Variants in RAB31 observed in about 807,000 individuals in gnomAD.
RAB31 encodes RAB31, member RAS oncogene family.
In RAB31, 21 loss-of-function variants were observed where a neutral mutation model predicts 25.6. The observed-to-expected ratio is 0.82, with a 90% confidence interval of 0.58 to 1.18. RAB31 has a LOEUF of 1.18. Among genes scored for constraint, RAB31 ranks in the 50% most tolerant of loss-of-function variants. RAB31 has a pLI of 0.00. For missense variants in RAB31, 196 were observed against 250.1 expected (o/e 0.78, Z 1.46); for synonymous variants, 87 against 84.0 (o/e 1.04, Z -0.20).
intron 1 of RAB31, among the ~76,000 whole-genome samples, chr18:9,742,176 C>T (rs1223772211): frequency 6.6e-6 from 1 of 152,190 alleles, no homozygotes; most frequent in Non-Finnish European, 1.5e-5. Flanking sequence ...TGAAGGCGGT[C>T]TTTCAAAGCA....
chr18:9,808,281 A>T (rs1185051064), intron 3 of RAB31, among the ~76,000 whole-genome samples: 1 of 152,218 alleles, frequency 6.6e-6, no homozygotes, highest in Non-Finnish European at 1.5e-5. Context: ...ATTATGATAT[A>T]ATAGAAAGGT....
rs552314275 is a variant in RAB31 at position 9,752,797 on chromosome 18, G to A, written c.40-22481G>A. Among the ~76,000 whole-genome samples, 11 of 152,320 alleles carry A rather than the reference G, an allele frequency of 7.2e-5. 1 individual carries two copies. Among genetic ancestry groups the A allele is most frequent in the Middle Eastern group, 6.8e-3 (2 of 294 alleles). Reference sequence around the variant, plus strand: ...CAAACCCTTTTACAACTAGGGATGTGCAATCAAAGAAGTTTGGAGACTTTT... The same window carrying A: ...CAAACCCTTTTACAACTAGGGATGTACAATCAAAGAAGTTTGGAGACTTTT... On this transcript the variant is annotated intron_variant, in intron 1 of 6. Transcript: ENST00000578921.
chr18:9,730,607 C>T (rs946135965), intron 1 of RAB31, among the ~76,000 whole-genome samples: 3 of 152,176 alleles, frequency 2.0e-5, no homozygotes. Flanking sequence ...TTTTTGAAAA[C>T]ATGGTTACAG....
At chr18:9,792,076 G>T (rs1193877464) in intron 2 of RAB31, 78 bp from the exon 3 acceptor site, 3 of 1,527,928 alleles carry the variant, frequency 2.0e-6, no homozygotes, top group Non-Finnish European at 2.7e-6. Flanking sequence ...CTGAGGTGTA[G>T]CATTTAACTT....
At chr18:9,712,075 G>A (rs1009614753) in intron 1 of RAB31, among the ~76,000 whole-genome samples, 5 of 152,198 alleles carry the variant, frequency 3.3e-5, no homozygotes, top group South Asian at 2.1e-4. Context: ...AAAGTGGGCC[G>A]GGTGCCAGGT....
At chr18:9,746,294 C>A (rs982899559) in intron 1 of RAB31, among the ~76,000 whole-genome samples, 8 of 152,204 alleles carry the variant, frequency 5.3e-5, no homozygotes, top group South Asian at 2.1e-4. Flanking sequence ...TGAAATAAAT[C>A]CCTATTCATG....
intron 1 of RAB31, among the ~76,000 whole-genome samples, chr18:9,757,697 TATGTGTGTGTTC>T (rs2068266993): frequency 6.6e-6 from 1 of 152,328 alleles, no homozygotes; most frequent in Middle Eastern, 3.4e-3. Flanking sequence ...CATGTGCATG[TATGTGTGTGTTC>T]ATGTGTGTGC....
intron 1 of RAB31, among the ~76,000 whole-genome samples, chr18:9,764,240 C>A (rs1221544473): frequency 1.3e-5 from 2 of 152,158 alleles, no homozygotes; most frequent in Non-Finnish European, 1.5e-5. Flanking sequence ...GCCTTTGATT[C>A]CTTTGTAAAG....
intron 1 of RAB31, among the ~76,000 whole-genome samples, chr18:9,727,287 T>A (rs1040560025): frequency 6.6e-6 from 1 of 152,216 alleles, no homozygotes; most frequent in Non-Finnish European, 1.5e-5. Flanking sequence ...CTTGTAAAAT[T>A]GATTAAAATG....
intron 5 of RAB31, chr18:9,830,723 T>C (rs934854123): frequency 6.6e-6 from 1 of 152,202 alleles, no homozygotes; most frequent in Non-Finnish European, 1.5e-5. Context: ...AAGAGCCTAA[T>C]TTTAAGAAAT....
intron 2 of RAB31, among the ~76,000 whole-genome samples, chr18:9,782,265 A>G (rs8096999): frequency 0.65 from 99,423 of 152,126 alleles, 33,029 homozygotes; most frequent in African/African-American, 0.76. Context: ...CCTGCTGGCC[A>G]CCCCCAGGCC....
chr18:9,761,192 C>T (rs1180267873), intron 1 of RAB31, among the ~76,000 whole-genome samples: 1 of 152,140 alleles, frequency 6.6e-6, no homozygotes, highest in Admixed American at 6.5e-5. Context: ...TTTCTTACAG[C>T]CCAGAGAGTA....
At chr18:9,807,598 C>T (rs2068548514) in intron 3 of RAB31, among the ~76,000 whole-genome samples, 2 of 152,178 alleles carry the variant, frequency 1.3e-5, no homozygotes, top group African/African-American at 4.8e-5. Flanking sequence ...TGCATTTCTA[C>T]AGCATCTTAA....
chr18:9,848,790 A>G (rs759173287), intron 6 of RAB31, among the ~76,000 whole-genome samples: 2 of 152,252 alleles, frequency 1.3e-5, no homozygotes, highest in African/African-American at 4.8e-5. Context: ...ATGAATTCAC[A>G]TTGACTCGGA....
intron 1 of RAB31, among the ~76,000 whole-genome samples, chr18:9,757,037 T>C (rs1305531469): frequency 6.6e-6 from 1 of 152,344 alleles, no homozygotes; most frequent in East Asian, 1.9e-4. Flanking sequence ...CATTCCTCTC[T>C]TGTTTCTGGG....
intron 6 of RAB31, among the ~76,000 whole-genome samples, chr18:9,846,360 C>A (rs1349793305): frequency 2.0e-5 from 3 of 152,230 alleles, no homozygotes. Context: ...TCCAGCTCAA[C>A]AGATTTAACC....
At chr18:9,719,374 GT>G (rs2068063291) in intron 1 of RAB31, among the ~76,000 whole-genome samples, 8 of 126,916 alleles carry the variant, frequency 6.3e-5, no homozygotes, top group Non-Finnish European at 1.3e-4. Flanking sequence ...AAATGATCTA[GT>G]AGTGAAATGA....
intron 1 of RAB31, among the ~76,000 whole-genome samples, chr18:9,717,630 T>C (rs2068051334): frequency 6.6e-6 from 1 of 152,000 alleles, no homozygotes; most frequent in Non-Finnish European, 1.5e-5. Flanking sequence ...AATGTGTCGC[T>C]CTGGGAGGGA....
chr18:9,815,263 C>T (rs749103903), intron 5 of RAB31, 41 bp downstream of exon 5: 1 of 1,356,352 alleles, frequency 7.4e-7, no homozygotes. Context: ...ATACTGTCCT[C>T]CATCCCTGAG....
Sources: allele counts gnomAD v4.1 joint callset (sites outside exome capture counted in the v4.1 genomes callset), GRCh38; gene constraint gnomAD v4.1.1; transcripts MANE v1.5; gene names NCBI Gene and HGNC (gene_info 2026-07-23, HGNC 2026-07-21).